PPP2R2C: variants seen among roughly 807,000 people sequenced by gnomAD.
PPP2R2C encodes protein phosphatase 2, regulatory subunit B, gamma.
Under a neutral mutation model 45.3 loss-of-function variants are expected in PPP2R2C, and 10 were observed. That is an observed-to-expected ratio of 0.22 (90% confidence interval 0.14 to 0.37). The LOEUF (loss-of-function observed/expected upper bound fraction) is 0.37, where lower values mean the gene tolerates loss of function less well. Among genes scored for constraint, PPP2R2C ranks in the 10% least tolerant of loss-of-function variants. PPP2R2C has a pLI of 1.00. For synonymous variants in PPP2R2C, 257 were observed against 245.4 expected, an observed-to-expected ratio of 1.05 and a Z score of -0.44; for missense variants, 308 against 619.7, an observed-to-expected ratio of 0.50 and a Z score of 5.34.
chr4:6,507,529 C>T (rs561647527), intron 2 of PPP2R2C, among the ~76,000 whole-genome samples: 37 of 152,282 alleles, frequency 2.4e-4, no homozygotes, highest in Admixed American at 4.6e-4. Context: ...AGTGAGAGGC[C>T]GAGCCAGCCT....
At chr4:6,349,739 T>TAAA in intron 5 of PPP2R2C, 3 of 543,256 alleles carry the variant, frequency 5.5e-6, no homozygotes, top group Non-Finnish European at 7.0e-6. Context: ...CCATCTCTAC[T>TAAA]AAAAAAAAAT....
chr4:6,550,501 G>A (rs1019991774), intron 1 of PPP2R2C, among the ~76,000 whole-genome samples: 3 of 152,190 alleles, frequency 2.0e-5, no homozygotes, highest in Non-Finnish European at 4.4e-5. Flanking sequence ...CCTCTGCCGG[G>A]AATGCTTTCC....
intron 8 of PPP2R2C, among the ~76,000 whole-genome samples, chr4:6,327,050 G>C (rs966362204): frequency 6.6e-6 from 1 of 152,166 alleles, no homozygotes; most frequent in Non-Finnish European, 1.5e-5. Context: ...TGGGACCCCT[G>C]ACCATGGGGC....
At chr4:6,443,142 T>G (rs760814199) in intron 1 of PPP2R2C, among the ~76,000 whole-genome samples, 1 of 152,114 alleles carries the variant, frequency 6.6e-6, no homozygotes, top group Non-Finnish European at 1.5e-5. Context: ...CTGGGAGAGA[T>G]GAGGCCCCTT....
At chr4:6,424,481 G>A (rs982415826) in intron 1 of PPP2R2C, among the ~76,000 whole-genome samples, 7 of 152,198 alleles carry the variant, frequency 4.6e-5, no homozygotes, top group Admixed American at 6.5e-5. Flanking sequence ...GGGCACTGAG[G>A]GGTGACCATA....
chr4:6,508,235 C>G (rs568244860), intron 2 of PPP2R2C, among the ~76,000 whole-genome samples: 1 of 152,212 alleles, frequency 6.6e-6, no homozygotes, highest in Non-Finnish European at 1.5e-5. Context: ...AACGGTCTCT[C>G]TAAAATAATA....
chr4:6,482,286 A>G (rs1428912710), intron 2 of PPP2R2C, among the ~76,000 whole-genome samples: 1 of 152,132 alleles, frequency 6.6e-6, no homozygotes, highest in East Asian at 1.9e-4. Flanking sequence ...TGAGGTGAAT[A>G]TTATTATTAT....
intron 1 of PPP2R2C, among the ~76,000 whole-genome samples, chr4:6,423,471 T>C (rs1351167518): frequency 6.6e-6 from 1 of 152,210 alleles, no homozygotes; most frequent in Non-Finnish European, 1.5e-5. Flanking sequence ...CCCAAAGTGC[T>C]GGGATTATAG....
At chr4:6,512,222 TGGTGGTGGTGATGGTGGG>T in intron 2 of PPP2R2C, among the ~76,000 whole-genome samples, 1 of 62,868 alleles carries the variant, frequency 1.6e-5, no homozygotes, top group Non-Finnish European at 3.2e-5. Context: ...ATGGTGGTGT[TGGTGGTGGTGATGGTGGG>T]GGTGGTGGTG....
intron 2 of PPP2R2C, among the ~76,000 whole-genome samples, chr4:6,518,922 TAAAAAAAAAAAAAA>T (rs56002128): frequency 1.7e-4 from 16 of 92,924 alleles, no homozygotes; most frequent in South Asian, 6.4e-4. Flanking sequence ...GACTCTGTCT[TAAAAAAAAAAAAAA>T]AAAAAAAAAA....
chr4:6,521,462 T>C (rs1356629266), intron 2 of PPP2R2C, among the ~76,000 whole-genome samples: 3 of 152,216 alleles, frequency 2.0e-5, no homozygotes, highest in African/African-American at 4.8e-5. Context: ...CTGCCATTCA[T>C]TGAGCCCCCT....
intron 2 of PPP2R2C, among the ~76,000 whole-genome samples, chr4:6,520,508 A>T (rs983970867): frequency 1.3e-4 from 20 of 152,210 alleles, no homozygotes; most frequent in African/African-American, 4.6e-4. Context: ...CACACAGGCG[A>T]GGGGCTGCCT....
chr4:6,553,972 C>T (rs916064641), intron 1 of PPP2R2C, among the ~76,000 whole-genome samples: 4 of 152,120 alleles, frequency 2.6e-5, no homozygotes, highest in Non-Finnish European at 5.9e-5. Context: ...CTGATGGAAG[C>T]CTTCCTTCTT....
At chr4:6,517,345 C>A (rs1023819061) in intron 2 of PPP2R2C, among the ~76,000 whole-genome samples, 20 of 152,202 alleles carry the variant, frequency 1.3e-4, no homozygotes, top group Non-Finnish European at 2.9e-5. Context: ...CAAAACCTGG[C>A]TGGACAACTC....
chr4:6,556,995 C>T (rs1725423405), intron 1 of PPP2R2C, among the ~76,000 whole-genome samples: 1 of 152,114 alleles, frequency 6.6e-6, no homozygotes, highest in Admixed American at 6.5e-5. Context: ...GTAAATTTGA[C>T]AGGATCAGGT....
In PPP2R2C at chr4:6,563,363, C is replaced by A. The variant is rs1725646647; in HGVS notation, c.-59+197G>T. Among the ~76,000 whole-genome samples, 1 of 152,234 alleles carries A rather than the reference C, an allele frequency of 6.6e-6. No individual in the cohort carries two copies. The highest frequency in any genetic ancestry group is 6.5e-5 in the Admixed American group (1 of 15,290). ...AGAGCCAGCCCTGCCCCAGGACCGC[C>A]CCGGGGTCGGTGCCCGGGCTCTCTG... On this transcript the variant is annotated intron_variant, in intron 1 of 9. Coordinates refer to the PPP2R2C transcript ENST00000506140. The surrounding 1 kb of genome is among the most constrained non-coding windows in gnomAD (Gnocchi z 5.8).
intron 6 of PPP2R2C, among the ~76,000 whole-genome samples, chr4:6,341,496 A>G (rs1733444729): frequency 6.6e-6 from 1 of 152,204 alleles, no homozygotes; most frequent in Admixed American, 6.5e-5. Context: ...GACCTTGGGC[A>G]AATGTCTTAA....
At chr4:6,390,902 C>T (rs1036026077) in intron 1 of PPP2R2C, among the ~76,000 whole-genome samples, 4 of 152,120 alleles carry the variant, frequency 2.6e-5, no homozygotes, top group Admixed American at 6.5e-5. Flanking sequence ...CACCTTCCAG[C>T]GGGCCTGGTG....
intron 5 of PPP2R2C, chr4:6,348,951 T>G (rs182312618): frequency 1.1e-6 from 1 of 937,738 alleles, no homozygotes; most frequent in African/African-American, 1.8e-5. Context: ...ACAGAGAAGA[T>G]GAGCAACTCG....
Sources: gnomAD v4.1 joint callset for allele counts (sites outside exome capture counted in the v4.1 genomes callset) on GRCh38, gnomAD v4.1.1 for gene constraint, Gnocchi (gnomAD v3.1) non-coding constraint, MANE v1.5 for transcripts, NCBI Gene and HGNC (gene_info 2026-07-23, HGNC 2026-07-21) for gene names.